C5orf63: variants seen among roughly 807,000 people sequenced by gnomAD.
The protein encoded by C5orf63 is chromosome 5 open reading frame 63, also known as glutaredoxin-like protein C5orf63.
A neutral mutation model predicts 13.3 loss-of-function variants in C5orf63; 18 were observed. The ratio of observed to expected loss-of-function variants is 1.36; its 90% confidence interval spans 0.94 to 2.01. The LOEUF (loss-of-function observed/expected upper bound fraction) is 2.01. Ranked by LOEUF, C5orf63 falls within the 30% of genes most tolerant of loss-of-function variation. C5orf63 has a pLI of 0.00. For missense variants in C5orf63, 118 were observed against 127.7 expected (o/e 0.92, Z 0.36); for synonymous variants, 38 against 44.7 (o/e 0.85, Z 0.60).
exon 5 of C5orf63, chr5:127,046,060 C>A (rs1157295357): frequency 1.3e-5 from 2 of 152,216 alleles, no homozygotes; most frequent in Non-Finnish European, 2.9e-5. Context: ...TGCCAGGTGG[C>A]CACATTTCCA....
intron 2 of C5orf63, among the ~76,000 whole-genome samples, chr5:127,062,957 T>A (rs761824630): frequency 5.9e-5 from 9 of 151,986 alleles, no homozygotes; most frequent in Admixed American, 5.9e-4. Flanking sequence ...CAAAAAGAGC[T>A]GTGTTCACAA....
intron 2 of C5orf63, among the ~76,000 whole-genome samples, chr5:127,071,133 A>G (rs1754523381): frequency 1.3e-5 from 2 of 152,214 alleles, no homozygotes; most frequent in African/African-American, 2.4e-5. Context: ...TAGAAATATA[A>G]AAGTGATTAA....
intron 2 of C5orf63, among the ~76,000 whole-genome samples, chr5:127,063,119 G>A (rs997209070): frequency 3.3e-5 from 5 of 152,100 alleles, no homozygotes; most frequent in African/African-American, 7.2e-5. Flanking sequence ...AGTGCCCCTC[G>A]GAGGCATGGA....
downstream of C5orf63, among the ~76,000 whole-genome samples, chr5:127,050,649 A>G (rs2126880299): frequency 6.6e-6 from 1 of 152,244 alleles, no homozygotes; most frequent in East Asian, 1.9e-4. Context: ...TACGTCCCTG[A>G]TATTCTCTGA....
chr5:127,067,622 A>G (rs1362619955), intron 2 of C5orf63, among the ~76,000 whole-genome samples: 1 of 152,158 alleles, frequency 6.6e-6, no homozygotes. Flanking sequence ...TGAAATTTAG[A>G]TTTTGAGAAA....
chr5:127,048,441 T>C (rs1450235133), downstream of C5orf63, among the ~76,000 whole-genome samples: 2 of 152,118 alleles, frequency 1.3e-5, no homozygotes, highest in African/African-American at 4.8e-5. Flanking sequence ...ATACATTCGC[T>C]TTCCAGTGAG....
chr5:127,072,161 C>G (rs1408131147), intron 1 of C5orf63: 1 of 152,212 alleles, frequency 6.6e-6, no homozygotes, highest in Non-Finnish European at 1.5e-5. Context: ...CCCCACCAAT[C>G]TTAATTTTCA....
chr5:127,061,758 A>G (rs1754115864), intron 2 of C5orf63, among the ~76,000 whole-genome samples: 1 of 152,224 alleles, frequency 6.6e-6, no homozygotes, highest in Non-Finnish European at 1.5e-5. Context: ...CTAGGTAGAA[A>G]CTTATACATC....
intron 2 of C5orf63, among the ~76,000 whole-genome samples, chr5:127,063,922 C>T (rs1395922847): frequency 6.6e-6 from 1 of 152,108 alleles, no homozygotes; most frequent in African/African-American, 2.4e-5. Context: ...CTTCTGGGAA[C>T]AAAACCATTA....
intron 2 of C5orf63, among the ~76,000 whole-genome samples, chr5:127,069,607 T>C (rs1173928951): frequency 1.3e-5 from 2 of 152,210 alleles, no homozygotes; most frequent in East Asian, 1.9e-4. Context: ...ACTTTGGACA[T>C]TGAGTTGCTA....
In C5orf63 at chr5:127,051,894, T is replaced by C. The variant is rs750997517; in HGVS notation, c.225A>G (p.Glu75=). 6.5e-7 allele frequency: 1 copy of C among 1,532,756 alleles called. No homozygotes were observed. Among genetic ancestry groups the C allele is most frequent in the East Asian group, 2.4e-5 (1 of 40,846 alleles). The allele number at this position is 1,532,756 out of a possible 1,614,324, so 94.9% of individuals were successfully genotyped here. ...ITLPENSVWY[E]RYKFDIPVFH... Reference sequence around the variant, plus strand: ...AGACAGGAATATCAAATTTATACCTTTCATACCAGACAGAGTTTTCTGGAA... The same window carrying C: ...AGACAGGAATATCAAATTTATACCTCTCATACCAGACAGAGTTTTCTGGAA... The change falls in exon 5 of 5, where the codon GAA becomes GAG. Residue 75 remains glutamate, a synonymous_variant. Coordinates refer to ENST00000296662, the MANE Select transcript of C5orf63 (RefSeq NM_001164478.2).
chr5:127,055,482 T>C (rs929542722), intron 3 of C5orf63, among the ~76,000 whole-genome samples: 3 of 152,168 alleles, frequency 2.0e-5, no homozygotes, highest in South Asian at 2.1e-4. Context: ...CTTTTTAACA[T>C]GACAGGAAGA....
intron 3 of C5orf63, among the ~76,000 whole-genome samples, chr5:127,057,012 T>C (rs996617020): frequency 1.3e-5 from 2 of 152,222 alleles, no homozygotes; most frequent in Non-Finnish European, 2.9e-5. Flanking sequence ...CAAATGTTTC[T>C]GGCTATATAA....
chr5:127,072,096 C>A (rs1754566116), intron 1 of C5orf63: 1 of 152,172 alleles, frequency 6.6e-6, no homozygotes, highest in East Asian at 1.9e-4. Flanking sequence ...GCTACTGCTG[C>A]CAGAGCAGGA....
At chr5:127,064,428 C>T (rs1243147778) in intron 2 of C5orf63, among the ~76,000 whole-genome samples, 1 of 152,142 alleles carries the variant, frequency 6.6e-6, no homozygotes, top group East Asian at 1.9e-4. Flanking sequence ...CAAAATGTTG[C>T]AACAAAGATC....
chr5:127,072,823 T>A (rs1754601222), intron 1 of C5orf63, among the ~76,000 whole-genome samples: 1 of 152,218 alleles, frequency 6.6e-6, no homozygotes, highest in African/African-American at 2.4e-5. Flanking sequence ...AAAAACTGTA[T>A]GAGCTGCTAT....
chr5:127,067,273 T>C (rs2126900052), intron 2 of C5orf63, among the ~76,000 whole-genome samples: 1 of 152,276 alleles, frequency 6.6e-6, no homozygotes, highest in African/African-American at 2.4e-5. Context: ...AAGTACTGAT[T>C]ACTAAAAATA....
intron 4 of C5orf63, 39 bp downstream of exon 4, chr5:127,052,574 G>A: frequency 1.5e-6 from 2 of 1,317,660 alleles, no homozygotes; most frequent in South Asian, 1.8e-5. Context: ...CATCTAATAT[G>A]CAATCCATAT....
At chr5:127,067,393 C>G (rs17165236) in intron 2 of C5orf63, among the ~76,000 whole-genome samples, 18,109 of 151,984 alleles carry the variant, frequency 0.12, 1,936 homozygotes, top group African/African-American at 0.29. Context: ...CTCAGAAATG[C>G]GGAATTGCAA....
Sources: allele counts gnomAD v4.1 joint callset (sites outside exome capture counted in the v4.1 genomes callset), GRCh38; gene constraint gnomAD v4.1.1; transcripts MANE v1.5; gene names NCBI Gene and HGNC (gene_info 2026-07-23, HGNC 2026-07-21).